Variants in SQLE observed in about 807,000 individuals in gnomAD.
SQLE encodes the protein squalene epoxidase, also known as squalene monooxygenase.
A neutral mutation model predicts 60.7 loss-of-function variants in SQLE; 29 were observed. The observed-to-expected ratio is 0.48, with a 90% CI of 0.36 to 0.65. The LOEUF is 0.65. Among genes scored for constraint, SQLE ranks in the 30% least tolerant of loss-of-function variants. SQLE has a pLI of 0.00. For synonymous variants in SQLE, 237 were observed against 246.8 expected (o/e 0.96, Z 0.37); for missense variants, 605 against 684.1 (o/e 0.88, Z 1.29).
intron 1 of SQLE, among the ~76,000 whole-genome samples, chr8:125,002,178 T>C (rs946951205): frequency 1.3e-5 from 2 of 152,216 alleles, no homozygotes; most frequent in African/African-American, 4.8e-5. Context: ...TATGTGCTTA[T>C]ATGTTAAGGA....
chr8:125,005,588 A>C lies in SQLE; in HGVS notation c.608A>C (p.Lys203Thr), dbSNP rs756471059. ...TACATGATTCATGATCAGGAAAGCA[A>C]ATCAGAGGTTCAGATTCCTTACCCT... Reference protein sequence around the residue: ...NGYMIHDQESKSEVQIPYPLS... With the variant: ...NGYMIHDQESTSEVQIPYPLS... The change falls in exon 3 of 11, where the codon AAA (lysine) becomes ACA (threonine). Residue 203 changes from lysine to threonine, a missense_variant. Lys to Thr is a moderately conservative substitution (Grantham distance 78). Transcript: ENST00000265896. The C allele has an allele frequency of 1.2e-6, 2 of 1,612,188 alleles. No individual in the cohort carries two copies. The highest frequency in any genetic ancestry group is 2.2e-5 in the South Asian group (2 of 90,792).
chr8:125,013,553 A>C (rs191057866), intron 7 of SQLE, among the ~76,000 whole-genome samples: 1 of 151,826 alleles, frequency 6.6e-6, no homozygotes, highest in Non-Finnish European at 1.5e-5. Flanking sequence ...GGGTTTCGCC[A>C]TGTTGGCCAG....
At chr8:125,005,840 TGTCA>T (rs1179733583) in intron 3 of SQLE, 135 bp downstream of exon 3, 40 of 616,218 alleles carry the variant, frequency 6.5e-5, no homozygotes, top group Admixed American at 1.2e-4. Flanking sequence ...TAAAATAAAC[TGTCA>T]GTCAAAAGAG....
rs1022641758 is a variant in SQLE, at chr8:125,020,931, G to A, written c.1532+60G>A. ...CAGATTTTCTTAGGACTGTTCAGTT[G>A]ATGAATTACTGCAAATCTTTCTTCC... On this transcript the variant is annotated intron_variant, in intron 10 of 10. Coordinates refer to ENST00000265896, the MANE Select transcript of SQLE (RefSeq NM_003129.4). 2.3e-5 allele frequency: 26 copies of A among 1,124,278 alleles called. No individual in the cohort carries two copies. The African/African-American group carries it at 4.0e-4, about 17-fold the overall frequency. The allele number at this position is 1,124,278 out of a possible 1,614,324, so 69.6% of individuals were successfully genotyped here. A position where few individuals can be genotyped will look rare whatever the true frequency, so the allele number is the denominator to read the frequency against.
At chr8:125,000,736 G>A (rs1814830736) in intron 1 of SQLE, among the ~76,000 whole-genome samples, 1 of 152,126 alleles carries the variant, frequency 6.6e-6, no homozygotes, top group Admixed American at 6.5e-5. Context: ...TTACAGACGT[G>A]AGCCACGGCG....
At chr8:125,009,781 G>A (rs1054069063) in intron 6 of SQLE, among the ~76,000 whole-genome samples, 2 of 148,842 alleles carry the variant, frequency 1.3e-5, no homozygotes, top group Non-Finnish European at 3.0e-5. Flanking sequence ...CAACAAGAGC[G>A]AAACTCCGTC....
At chr8:124,999,803 G>A (rs2129865146) in intron 1 of SQLE, 109 bp downstream of exon 1, 2 of 1,284,992 alleles carry the variant, frequency 1.6e-6, no homozygotes, top group East Asian at 2.5e-5. Context: ...TTAGATGCTT[G>A]TATACATTCT....
chr8:124,999,733 T>G, intron 1 of SQLE, 39 bp downstream of exon 1: 4 of 1,532,334 alleles, frequency 2.6e-6, no homozygotes, highest in Non-Finnish European at 2.6e-6. Context: ...ATGTCTTATT[T>G]AGGAGTAGGA....
chr8:125,019,540 C>T (rs140611509), intron 9 of SQLE, among the ~76,000 whole-genome samples: 193 of 152,294 alleles, frequency 1.3e-3, no homozygotes, highest in African/African-American at 4.5e-3. Context: ...CCACTGCACT[C>T]AGCCTGGGCA....
intron 7 of SQLE, among the ~76,000 whole-genome samples, chr8:125,017,176 G>C (rs1397079806): frequency 6.6e-6 from 1 of 152,066 alleles, no homozygotes; most frequent in Non-Finnish European, 1.5e-5. Context: ...CACAAATCCA[G>C]CCAGGCTTGT....
Position 124,999,433 on chromosome 8 carries a change from C to T in SQLE, c.30C>T (p.Phe10=). MWTFLGIAT[F]TYFYKKFGDF... ...GGACTTTTCTGGGCATTGCCACTTT[C>T]ACCTATTTTTATAAGAAGTTCGGGG... Residue 10 remains phenylalanine (F), a synonymous_variant, in exon 1 of 11, where the codon TTC becomes TTT. Transcript: ENST00000265896. 6.6e-7 allele frequency: 1 copy of T among 1,524,490 alleles called. No homozygotes were observed. Among genetic ancestry groups the T allele is most frequent in the East Asian group, 2.3e-5 (1 of 42,934 alleles). 94.4% of individuals were successfully genotyped at this position (1,524,490 alleles called of 1,614,324 possible). A position where few individuals can be genotyped will look rare whatever the true frequency, so the allele number is the denominator to read the frequency against.
In SQLE at chr8:125,015,652, A is replaced by C. The variant is rs114140634; in HGVS notation, c.1205-2407A>C. 1.9e-3 allele frequency among the ~76,000 whole-genome samples: 296 copies of C among 152,272 alleles called. 2 individuals carry two copies. The highest frequency in any genetic ancestry group is 6.5e-3 in the African/African-American group (270 of 41,550). Reference sequence around the variant, plus strand: ...CACAAACGAGCAGAGAAAACTAATAAAAACTCTACACTTTATCCTCCTTGC... The same window carrying C: ...CACAAACGAGCAGAGAAAACTAATACAAACTCTACACTTTATCCTCCTTGC... On this transcript the variant is annotated intron_variant, in intron 7 of 10. Coordinates refer to ENST00000265896, the MANE Select transcript of SQLE (RefSeq NM_003129.4).
chr8:125,009,495 TTAA>T (rs1244118112), intron 6 of SQLE, among the ~76,000 whole-genome samples, 152 bp downstream of exon 6: 1 of 152,048 alleles, frequency 6.6e-6, no homozygotes, highest in Non-Finnish European at 1.5e-5. Context: ...AACTCCCAAA[TTAA>T]TAAAAAAAAG....
At position 125,003,412 on chromosome 8, in the gene SQLE, A is replaced by T. The variant is rs1159315304; in HGVS notation, c.528A>T (p.Lys176Asn). Residue 176 changes from lysine (K) to asparagine (N), a missense_variant, in exon 2 of 11, where the codon AAA (lysine) becomes AAT (asparagine). Coordinates refer to ENST00000265896, the MANE Select transcript of SQLE (RefSeq NM_003129.4). ...AGCCGGGTGGTTATCATGTTCTCAA[A>T]GACCTTGGTCTTGGAGGTAGGTTCA... ...FLQPGGYHVL[K>N]DLGLGDTVEG... 6.2e-7 allele frequency: 1 copy of T among 1,613,874 alleles called. No homozygotes were observed. The highest frequency in any genetic ancestry group is 2.2e-5 in the East Asian group (1 of 44,890).
At chr8:124,999,866 C>A in intron 1 of SQLE, 172 bp downstream of exon 1, 1 of 861,294 alleles carries the variant, frequency 1.2e-6, no homozygotes. Context: ...CTTTGACCTT[C>A]TTAAGAATGA....
rs561307571 is a variant in SQLE at position 125,012,846 on chromosome 8, A to G, written c.1204+1214A>G. Reference sequence around the variant, plus strand: ...GAGGAGCTGCTAGACTTGTTTTCCAAAATAGCTGTCCCAGTTACATTCCTT... The same window carrying G: ...GAGGAGCTGCTAGACTTGTTTTCCAGAATAGCTGTCCCAGTTACATTCCTT... On this transcript the variant is annotated intron_variant, in intron 7 of 10. Transcript: ENST00000265896. Among the ~76,000 whole-genome samples, 6 of 152,330 alleles carry G rather than the reference A, an allele frequency of 3.9e-5. No individual in the cohort carries two copies. In the South Asian group the frequency reaches 1.2e-3, roughly 32 times the overall value.
rs375736746 is a variant in SQLE at position 124,999,619 on chromosome 8, C to A, written c.216C>A (p.Gly72=). The change falls in exon 1 of 11, where the codon GGC becomes GGA. Residue 72 remains glycine, a synonymous_variant. Transcript: ENST00000265896. ...CCCTCTTCTCGGATATTCTCTCAGGCCTGCCTTTCATTGGCTTCTTCTGGG... is the reference window on the plus strand; with the variant it reads ...CCCTCTTCTCGGATATTCTCTCAGGACTGCCTTTCATTGGCTTCTTCTGGG... ...QFALFSDILS[G]LPFIGFFWAK... 82 of 1,613,290 alleles carry A rather than the reference C, an allele frequency of 5.1e-5. No homozygotes were observed. Among genetic ancestry groups the A allele is most frequent in the Admixed American group, 6.7e-5 (4 of 59,922 alleles).
At chr8:125,020,928 G>C in intron 10 of SQLE, 57 bp downstream of exon 10, 2 of 1,177,538 alleles carry the variant, frequency 1.7e-6, no homozygotes, top group Non-Finnish European at 2.5e-6. Context: ...GGACTGTTCA[G>C]TTGATGAATT....
intron 1 of SQLE, chr8:125,000,132 A>G: frequency 2.3e-6 from 1 of 435,128 alleles, no homozygotes. Flanking sequence ...ACAGTTTGAA[A>G]AGCAGGCAGA....
Sources: allele counts gnomAD v4.1 joint callset (sites outside exome capture counted in the v4.1 genomes callset), GRCh38; gene constraint gnomAD v4.1.1; transcripts MANE v1.5; gene names NCBI Gene and HGNC (gene_info 2026-07-23, HGNC 2026-07-21).